Variants in LINGO2 observed in about 807,000 individuals in gnomAD.
LINGO2 encodes the protein leucine-rich repeat and immunoglobulin-like domain-containing nogo receptor-interacting protein 2.
A neutral mutation model predicts 30.6 loss-of-function variants in LINGO2; 14 were observed. That is an observed-to-expected ratio of 0.46 (90% CI 0.30 to 0.72). LINGO2 has a LOEUF of 0.72. LINGO2 is among the 30% of genes least tolerant of loss of function. The pLI, the probability that LINGO2 is intolerant of heterozygous loss-of-function variation, is 0.07. For synonymous variants in LINGO2, 317 were observed against 288.5 expected (o/e 1.10, Z -1.00); for missense variants, 729 against 751.7 (o/e 0.97, Z 0.35).
chr9:27,963,396 T>TA (rs936906095), intron 5 of LINGO2, among the ~76,000 whole-genome samples: 10 of 152,226 alleles, frequency 6.6e-5, no homozygotes, highest in Admixed American at 5.2e-4. Flanking sequence ...AAGAGATTGG[T>TA]AAAATGGAGA....
chr9:28,397,765 T>C (rs933295335), intron 2 of LINGO2, among the ~76,000 whole-genome samples: 1 of 152,096 alleles, frequency 6.6e-6, no homozygotes, highest in Non-Finnish European at 1.5e-5. Context: ...GGCAGGATGG[T>C]CTTGATCTCC....
chr9:28,827,376 T>C, the LINGO2 span, among the ~76,000 whole-genome samples: 1 of 152,212 alleles, frequency 6.6e-6, no homozygotes, highest in Non-Finnish European at 1.5e-5. Context: ...TAATTTAATT[T>C]ACTCTTTGAT....
chr9:28,488,525 C>A (rs1826261724), intron 1 of LINGO2, among the ~76,000 whole-genome samples: 1 of 152,112 alleles, frequency 6.6e-6, no homozygotes, highest in Non-Finnish European at 1.5e-5. Flanking sequence ...AAGGTCTTAG[C>A]ACTGCCATTA....
At chr9:29,131,435 G>A in the LINGO2 span, among the ~76,000 whole-genome samples, 1 of 152,038 alleles carries the variant, frequency 6.6e-6, no homozygotes, top group Admixed American at 6.6e-5. Context: ...AGGACTGTCA[G>A]CTTTGTTTAT....
rs1311849129 is a variant in LINGO2 at position 28,148,969 on chromosome 9, G to A, written c.-86-136564C>T. 2.9e-5 allele frequency: 44 copies of A among 1,533,996 alleles called. No individual in the cohort carries two copies. The highest frequency in any genetic ancestry group is 1.1e-4 in the African/African-American group (8 of 72,968). Reference sequence around the variant, plus strand: ...ACAGTTCCCACAAAAGAAAACTGTCGGGGCCACCGCTGCAGCTGCAACCGA... The same window carrying A: ...ACAGTTCCCACAAAAGAAAACTGTCAGGGCCACCGCTGCAGCTGCAACCGA... On this transcript the variant is annotated intron_variant, in intron 4 of 5. Coordinates refer to ENST00000379992, the Ensembl canonical transcript of LINGO2. The surrounding 1 kb of genome is among the most constrained non-coding windows in gnomAD (Gnocchi z 5.1).
At chr9:28,355,833 A>G (rs909734537) in intron 3 of LINGO2, among the ~76,000 whole-genome samples, 10 of 152,096 alleles carry the variant, frequency 6.6e-5, no homozygotes, top group African/African-American at 2.4e-4. Flanking sequence ...AAAAACATCT[A>G]TCACCAGAGG....
At chr9:28,848,309 C>T in the LINGO2 span, among the ~76,000 whole-genome samples, 324 of 115,736 alleles carry the variant, frequency 2.8e-3, 3 homozygotes, top group Non-Finnish European at 4.4e-3. Flanking sequence ...ACTATATATA[C>T]GCATATATAG....
the LINGO2 span, among the ~76,000 whole-genome samples, chr9:28,830,880 G>A: frequency 8.6e-5 from 13 of 151,192 alleles, no homozygotes; most frequent in South Asian, 1.0e-3. Flanking sequence ...ACTTGCATGC[G>A]TGCGCACGCA....
chr9:28,123,078 C>T (rs1334455921), intron 4 of LINGO2, among the ~76,000 whole-genome samples: 1 of 152,134 alleles, frequency 6.6e-6, no homozygotes, highest in African/African-American at 2.4e-5. Flanking sequence ...ATTTTCTTCT[C>T]ATTCTTGTGC....
intron 5 of LINGO2, among the ~76,000 whole-genome samples, chr9:27,987,874 G>C (rs755861058): frequency 6.6e-6 from 1 of 151,810 alleles, no homozygotes; most frequent in Non-Finnish European, 1.5e-5. Flanking sequence ...CCTTTTATAC[G>C]TTAAGTTCTA....
intron 3 of LINGO2, among the ~76,000 whole-genome samples, chr9:28,352,207 A>C (rs1248077931): frequency 2.6e-5 from 4 of 152,038 alleles, no homozygotes; most frequent in Non-Finnish European, 5.9e-5. Flanking sequence ...GAGGAAGTCA[A>C]ATTGTCCCTG....
At position 28,643,370 on chromosome 9, in the gene LINGO2, C is replaced by T. The variant is rs147427015; in HGVS notation, c.-365+26830G>A. 2.8e-3 allele frequency among the ~76,000 whole-genome samples: 418 copies of T among 151,846 alleles called. 3 individuals carry two copies. The highest frequency in any genetic ancestry group is 9.6e-3 in the African/African-American group (399 of 41,458). ...TAGACCAACGGAACAGAATAGAAGA[C>T]CCCAGAAACAAATTTACACGCTCAC... On this transcript the variant is annotated intron_variant, in intron 1 of 5. Transcript: ENST00000379992.
At chr9:28,024,656 G>A (rs869995) in intron 4 of LINGO2, among the ~76,000 whole-genome samples, 10,836 of 152,026 alleles carry the variant, frequency 0.071, 934 homozygotes, top group East Asian at 0.34. Flanking sequence ...TAGCTGCCTG[G>A]TTAGACAGCT....
the LINGO2 span, among the ~76,000 whole-genome samples, chr9:28,998,925 T>A: frequency 6.6e-6 from 1 of 152,120 alleles, no homozygotes. Context: ...CTTCCGTAAT[T>A]TTAGAATGTA....
chr9:29,160,124 C>A, the LINGO2 span, among the ~76,000 whole-genome samples: 1 of 152,156 alleles, frequency 6.6e-6, no homozygotes, highest in Non-Finnish European at 1.5e-5. Flanking sequence ...TGGGCCCCCA[C>A]CTCTAGAGTT....
At chr9:28,988,717 G>A in the LINGO2 span, among the ~76,000 whole-genome samples, 1 of 152,162 alleles carries the variant, frequency 6.6e-6, no homozygotes. Flanking sequence ...AAGTGCTTCT[G>A]GCTCTCTTTT....
the LINGO2 span, among the ~76,000 whole-genome samples, chr9:28,967,126 A>C: frequency 7.6e-4 from 115 of 152,124 alleles, 3 homozygotes; most frequent in East Asian, 6.0e-3. Context: ...TTACACTGAA[A>C]ATCTTCTGTT....
chr9:28,989,723 T>A, the LINGO2 span, among the ~76,000 whole-genome samples: 1 of 152,206 alleles, frequency 6.6e-6, no homozygotes, highest in Admixed American at 6.5e-5. Flanking sequence ...ACACTGCCTC[T>A]TCTTAGGGAC....
At chr9:28,038,075 T>C (rs1361737705) in intron 4 of LINGO2, among the ~76,000 whole-genome samples, 1 of 152,250 alleles carries the variant, frequency 6.6e-6, no homozygotes, top group African/African-American at 2.4e-5. Context: ...CACTTTTTAA[T>C]AAGATTTTAT....
Sources: gnomAD v4.1 joint callset for allele counts (sites outside exome capture counted in the v4.1 genomes callset) on GRCh38, gnomAD v4.1.1 for gene constraint, Gnocchi (gnomAD v3.1) non-coding constraint, MANE v1.5 for transcripts, NCBI Gene and HGNC (gene_info 2026-07-23, HGNC 2026-07-21) for gene names.